The following ANKRD30A variants were observed in gnomAD, a reference collection of about 807,000 sequenced individuals.
The protein encoded by ANKRD30A is ankyrin repeat domain-containing protein 30A.
A neutral mutation model predicts 166.3 loss-of-function variants in ANKRD30A; 170 were observed. The ratio of observed to expected loss-of-function variants is 1.02; its 90% CI spans 0.90 to 1.16. The LOEUF is 1.16. ANKRD30A is among the 50% of genes most tolerant of loss of function. The pLI, the probability that ANKRD30A is intolerant of heterozygous loss-of-function variation, is 0.00. For synonymous variants in ANKRD30A, 564 were observed against 508.9 expected, an observed-to-expected ratio of 1.11 and a Z score of -1.46; for missense variants, 1,630 against 1,518.0, an observed-to-expected ratio of 1.07 and a Z score of -1.23.
intron 17 of ANKRD30A, among the ~76,000 whole-genome samples, chr10:37,164,516 A>C (rs975446021): frequency 2.6e-5 from 4 of 152,120 alleles, no homozygotes; most frequent in Admixed American, 6.6e-5. Flanking sequence ...TATGCAATAA[A>C]ATTTTTAAAG....
intron 29 of ANKRD30A, among the ~76,000 whole-genome samples, chr10:37,198,531 A>G (rs961070909): frequency 1.8e-4 from 28 of 152,172 alleles, no homozygotes; most frequent in African/African-American, 6.5e-4. Context: ...AATATTTAAG[A>G]TATTTCCTTG....
At chr10:37,205,482 G>T (rs1271656771) in intron 31 of ANKRD30A, among the ~76,000 whole-genome samples, 1 of 152,192 alleles carries the variant, frequency 6.6e-6, no homozygotes, top group Non-Finnish European at 1.5e-5. Flanking sequence ...ATAGCATTAA[G>T]AGAAATACCT....
intron 32 of ANKRD30A, among the ~76,000 whole-genome samples, chr10:37,216,865 AAG>A (rs1842631538): frequency 6.6e-6 from 1 of 151,016 alleles, no homozygotes; most frequent in African/African-American, 2.4e-5. Flanking sequence ...CAGTTCAACA[AAG>A]AGAGCGTGAA....
chr10:37,213,147 C>G (rs908628952), intron 31 of ANKRD30A, among the ~76,000 whole-genome samples: 1 of 151,698 alleles, frequency 6.6e-6, no homozygotes, highest in Non-Finnish European at 1.5e-5. Flanking sequence ...TGTTTTAGTT[C>G]TCTTTGCCTA....
chr10:37,131,443 C>T (rs1346868921), intron 3 of ANKRD30A, among the ~76,000 whole-genome samples: 1 of 152,110 alleles, frequency 6.6e-6, no homozygotes, highest in African/African-American at 2.4e-5. Context: ...ATTCTATTGT[C>T]TTGTAATAGG....
At position 37,197,434 on chromosome 10, in the gene ANKRD30A, T is replaced by C. The variant is rs549100350; in HGVS notation, c.2670T>C (p.Val890=). The stretch of plus-strand genomic sequence containing the variant: ...CTGCCATTGAAATGCAAAAGTCTGT[T>C]CCAAATAAAGCCTTGGAATTGAAGA... ...FEPAIEMQKS[V]PNKALELKNE... Residue 890 remains valine, a synonymous_variant, in exon 29 of 36, where the codon GTT becomes GTC. Transcript: ENST00000361713. The C allele has an allele frequency of 1.0e-4, 164 of 1,612,670 alleles. No homozygotes were observed. The African/African-American group carries it at 1.7e-3, about 17-fold the overall frequency.
At chr10:37,167,795 C>G (rs1343690463) in intron 19 of ANKRD30A, among the ~76,000 whole-genome samples, 11 of 149,450 alleles carry the variant, frequency 7.4e-5, no homozygotes, top group African/African-American at 2.8e-4. Flanking sequence ...CCAAGCTGAT[C>G]AATTCATAAC....
Position 37,130,190 on chromosome 10 carries a change from C to G in ANKRD30A, c.337-15C>G. The G allele has an allele frequency of 6.5e-7, 1 of 1,548,098 alleles. No individual in the cohort carries two copies. The highest frequency in any genetic ancestry group is 1.2e-5 in the South Asian group (1 of 80,088). On this transcript the variant is annotated splice_polypyrimidine_tract_variant and intron_variant, in intron 2 of 35. Coordinates refer to ENST00000361713, the MANE Select transcript of ANKRD30A (RefSeq NM_052997.3). Reference sequence around the variant, plus strand: ...ATTATACAGTTTACAATAATTCTTGCTTTAATACTGACAGGCTCTACAATG... The same window carrying G: ...ATTATACAGTTTACAATAATTCTTGGTTTAATACTGACAGGCTCTACAATG...
rs41276124 is a variant in ANKRD30A at position 37,162,783 on chromosome 10, C to G, written c.1937C>G (p.Thr646Ser). 1 of 1,613,366 alleles carries G rather than the reference C, an allele frequency of 6.2e-7. No individual in the cohort carries two copies. Among genetic ancestry groups the G allele is most frequent in the Non-Finnish European group, 8.5e-7 (1 of 1,179,544 alleles). Residue 646 changes from threonine to serine, a missense_variant, in exon 17 of 36, where the codon ACT (threonine) becomes AGT (serine). Thr to Ser is a moderately conservative substitution (Grantham distance 58). Coordinates refer to ENST00000361713, the MANE Select transcript of ANKRD30A (RefSeq NM_052997.3). ...GCTTCCAACCCCATTTAGCCTGCCA[C>G]TGAAATGCAAAAGTCTGTCCCAAAT... ...PGKPSAFEPA[T>S]EMQKSVPNKA...
chr10:37,171,746 A>G lies in ANKRD30A; in HGVS notation c.2258-1966A>G, dbSNP rs1036036621. On this transcript the variant is annotated intron_variant, in intron 21 of 35. Transcript: ENST00000361713. ...ATCAAACAAAATCAAACTTTTGTTT[A>G]TAATGAAAAGAGTTGGTTACAGATT... Among the ~76,000 whole-genome samples the G allele has an allele frequency of 9.3e-5, 14 of 151,112 alleles. 2 individuals carry two copies. The highest frequency in any genetic ancestry group is 5.9e-5 in the Non-Finnish European group (4 of 67,616).
chr10:37,141,589 A>G, intron 6 of ANKRD30A, 129 bp from the exon 7 acceptor site: 1 of 1,323,574 alleles, frequency 7.6e-7, no homozygotes, highest in South Asian at 1.5e-5. Flanking sequence ...AAAAAAAAAA[A>G]AAAAGAGAAA....
chr10:37,224,976 A>G lies in ANKRD30A; in HGVS notation c.4185+5079A>G, dbSNP rs1337878265. ...TGTATTGTGTCTTTTGCAAACATTC[A>G]TATATAAATATGCTTTTCCCCTTTG... On this transcript the variant is annotated intron_variant, in intron 34 of 35. Transcript: ENST00000361713. 4.6e-5 allele frequency among the ~76,000 whole-genome samples: 7 copies of G among 151,640 alleles called. No homozygotes were observed. The Admixed American group carries it at 4.6e-4, about 10-fold the overall frequency.
intron 27 of ANKRD30A, among the ~76,000 whole-genome samples, chr10:37,194,643 C>T (rs1437057765): frequency 6.6e-6 from 1 of 152,134 alleles, no homozygotes; most frequent in East Asian, 1.9e-4. Context: ...CCGTGCCCGG[C>T]CGATGTCTGA....
At chr10:37,133,812 A>G in intron 4 of ANKRD30A, 104 bp from the exon 5 acceptor site, 2 of 1,356,286 alleles carry the variant, frequency 1.5e-6, no homozygotes, top group Non-Finnish European at 2.0e-6. Context: ...AGCACTCAAG[A>G]TACTTATGTT....
downstream of ANKRD30A, chr10:37,232,695 A>G (rs11011074): frequency 7.4e-4 from 8 of 10,862 alleles, no homozygotes; most frequent in African/African-American, 1.9e-3. Context: ...TATATATATA[A>G]ATAGAGAGAG....
chr10:37,197,157 A>G (rs1400925298), intron 27 of ANKRD30A, 124 bp from the exon 28 acceptor site: 5 of 1,384,152 alleles, frequency 3.6e-6, no homozygotes, highest in Non-Finnish European at 4.1e-6. Context: ...AAAACTTTCC[A>G]AATCTAAAGT....
rs545633046 is a variant in ANKRD30A at position 37,192,156 on chromosome 10, G to T, written c.2513-908G>T. On this transcript the variant is annotated intron_variant, in intron 25 of 35. Transcript: ENST00000361713. ...GGTTCAAGTGATTCTGGCACCTCAG[G>T]CACCCAAGTAGCTGAGATTACAGGC... Among the ~76,000 whole-genome samples, 59 of 152,026 alleles carry T rather than the reference G, an allele frequency of 3.9e-4. 1 individual carries two copies. The highest frequency in any genetic ancestry group is 8.5e-4 in the Admixed American group (13 of 15,254).
At chr10:37,156,275 T>A (rs1000038813) in intron 13 of ANKRD30A, among the ~76,000 whole-genome samples, 1 of 152,114 alleles carries the variant, frequency 6.6e-6, no homozygotes, top group Non-Finnish European at 1.5e-5. Flanking sequence ...GCCATACATT[T>A]CAATAGCCAT....
At chr10:37,246,671 G>A in the ANKRD30A span, among the ~76,000 whole-genome samples, 58 of 152,156 alleles carry the variant, frequency 3.8e-4, no homozygotes, top group African/African-American at 1.3e-3. Flanking sequence ...AGTGCCTGTG[G>A]TAGATCTGTT....
Sources: allele counts gnomAD v4.1 joint callset (sites outside exome capture counted in the v4.1 genomes callset), GRCh38; gene constraint gnomAD v4.1.1; transcripts MANE v1.5; gene names NCBI Gene and HGNC (gene_info 2026-07-23, HGNC 2026-07-21).